RBFOX3: variants seen among roughly 807,000 people sequenced by gnomAD.
RBFOX3 encodes the protein RNA binding protein fox-1 homolog 3.
In RBFOX3, 17 loss-of-function variants were observed where a neutral mutation model predicts 48.7. The ratio of observed to expected loss-of-function variants is 0.35; its 90% CI spans 0.24 to 0.52. The LOEUF (loss-of-function observed/expected upper bound fraction) is 0.52, where lower values mean the gene tolerates loss of function less well. Ranked by LOEUF, RBFOX3 falls within the 20% of genes least tolerant of loss-of-function variation. The pLI, the probability that RBFOX3 is intolerant of heterozygous loss-of-function variation, is 0.94. For missense variants in RBFOX3, 382 were observed against 497.5 expected, an observed-to-expected ratio of 0.77 and a Z score of 2.21; for synonymous variants, 212 against 209.5, an observed-to-expected ratio of 1.01 and a Z score of -0.10.
At chr17:79,395,769 C>T (rs938570639) in intron 2 of RBFOX3, among the ~76,000 whole-genome samples, 1 of 152,222 alleles carries the variant, frequency 6.6e-6, no homozygotes, top group Non-Finnish European at 1.5e-5. Flanking sequence ...TGAGCCGTGA[C>T]GTGACCAGGA....
At chr17:79,290,778 G>C (rs1278668816) in intron 3 of RBFOX3, among the ~76,000 whole-genome samples, 1 of 152,214 alleles carries the variant, frequency 6.6e-6, no homozygotes, top group East Asian at 1.9e-4. Context: ...TCTCCTCTGG[G>C]TTTGCTGACT....
chr17:79,256,333 T>C (rs2064842096), intron 3 of RBFOX3, among the ~76,000 whole-genome samples: 1 of 151,630 alleles, frequency 6.6e-6, no homozygotes, highest in Admixed American at 6.6e-5. Flanking sequence ...AATATTAAAA[T>C]TAAAAAAAAA....
intron 2 of RBFOX3, among the ~76,000 whole-genome samples, chr17:79,456,429 C>T (rs2074503446): frequency 6.6e-6 from 1 of 151,940 alleles, no homozygotes. Flanking sequence ...AGGGGCAGCC[C>T]CCTCCCCAGC....
chr17:79,323,737 C>T (rs760051920), intron 2 of RBFOX3, among the ~76,000 whole-genome samples: 3 of 152,204 alleles, frequency 2.0e-5, no homozygotes, highest in Non-Finnish European at 2.9e-5. Context: ...GGCTGCGTGC[C>T]GAGAGCTGGC....
chr17:79,587,994 C>T (rs1387921685), intron 1 of RBFOX3, among the ~76,000 whole-genome samples: 1 of 152,160 alleles, frequency 6.6e-6, no homozygotes, highest in Non-Finnish European at 1.5e-5. Context: ...TGCCACCATG[C>T]CTGGCTCTTT....
chr17:79,388,124 T>C (rs1406441797), intron 2 of RBFOX3, among the ~76,000 whole-genome samples: 1 of 151,940 alleles, frequency 6.6e-6, no homozygotes, highest in Non-Finnish European at 1.5e-5. Context: ...GCATGTGTGG[T>C]TGTGCATACA....
intron 2 of RBFOX3, among the ~76,000 whole-genome samples, chr17:79,358,202 T>C (rs2085586701): frequency 6.6e-6 from 1 of 152,142 alleles, no homozygotes. Context: ...TGCCTTGGCC[T>C]CCCAAAGTGC....
At chr17:79,126,394 C>T (rs115166160) in intron 4 of RBFOX3, among the ~76,000 whole-genome samples, 4,295 of 152,202 alleles carry the variant, frequency 0.028, 200 homozygotes, top group African/African-American at 0.096. Flanking sequence ...CACCCCTGCC[C>T]GGCCCACAGC....
At chr17:79,200,311 C>A (rs2056548547) in intron 4 of RBFOX3, among the ~76,000 whole-genome samples, 1 of 152,248 alleles carries the variant, frequency 6.6e-6, no homozygotes, top group African/African-American at 2.4e-5. Flanking sequence ...CTCTTCACCA[C>A]AGCCACTCCC....
At chr17:79,247,399 G>T (rs1471304996) in intron 3 of RBFOX3, among the ~76,000 whole-genome samples, 1 of 143,338 alleles carries the variant, frequency 7.0e-6, no homozygotes, top group Non-Finnish European at 1.5e-5. Flanking sequence ...AGTAACCGCT[G>T]CCTCCCAGGT....
chr17:79,344,007 A>C (rs1407542224), intron 2 of RBFOX3, among the ~76,000 whole-genome samples: 1 of 152,216 alleles, frequency 6.6e-6, no homozygotes, highest in African/African-American at 2.4e-5. Context: ...TGCCAGGAAG[A>C]TGCCACTGAT....
intron 2 of RBFOX3, among the ~76,000 whole-genome samples, chr17:79,355,183 G>A (rs1456764148): frequency 6.6e-6 from 1 of 152,188 alleles, no homozygotes; most frequent in Non-Finnish European, 1.5e-5. Context: ...CACTTGTGGG[G>A]TCGGGGGTCC....
intron 4 of RBFOX3, among the ~76,000 whole-genome samples, chr17:79,125,825 A>G (rs562257793): frequency 6.6e-6 from 1 of 152,312 alleles, no homozygotes; most frequent in Admixed American, 6.5e-5. Flanking sequence ...CTCTGGGCAA[A>G]GCCCATTCCA....
chr17:79,550,803 A>T (rs1052827886), intron 1 of RBFOX3, among the ~76,000 whole-genome samples: 4 of 152,036 alleles, frequency 2.6e-5, no homozygotes, highest in African/African-American at 9.7e-5. Flanking sequence ...ATGGTCAGTG[A>T]GTGGGTTGAT....
rs577050454 is a variant in RBFOX3, at chr17:79,335,848, C to T, written c.-174-28024G>A. On this transcript the variant is annotated intron_variant, in intron 2 of 14. Coordinates refer to ENST00000693108, the MANE Select transcript of RBFOX3 (RefSeq NM_001350451.2). ...CAATCTCACCTGCCCCTGCACTCCA[C>T]GTAGCCTGCAGCCATCTTAGCTTTT... Among the ~76,000 whole-genome samples, 14 of 152,370 alleles carry T rather than the reference C, an allele frequency of 9.2e-5. No individual in the cohort carries two copies. In the South Asian group the frequency reaches 1.7e-3, roughly 18 times the overall value.
chr17:79,512,790 G>A (rs1442671007), intron 1 of RBFOX3, among the ~76,000 whole-genome samples: 4 of 144,132 alleles, frequency 2.8e-5, no homozygotes, highest in South Asian at 2.2e-4. Context: ...TGTTACCATC[G>A]GGTACGGCCC....
chr17:79,203,676 T>C lies in RBFOX3; in HGVS notation c.-34+32090A>G, dbSNP rs569071910. Among the ~76,000 whole-genome samples, 343 of 151,678 alleles carry C rather than the reference T, an allele frequency of 2.3e-3. 2 individuals carry two copies. Among genetic ancestry groups the C allele is most frequent in the African/African-American group, 7.9e-3 (327 of 41,276 alleles). On this transcript the variant is annotated intron_variant, in intron 4 of 14. Coordinates refer to ENST00000693108, the MANE Select transcript of RBFOX3 (RefSeq NM_001350451.2). ...GGGGTGGTTGGATTTATTAATGGAC[T>C]TAGAAGCTTTGAAAAAGGAAAACAA...
At chr17:79,325,565 G>A (rs2079175504) in intron 2 of RBFOX3, among the ~76,000 whole-genome samples, 1 of 152,080 alleles carries the variant, frequency 6.6e-6, no homozygotes, top group Non-Finnish European at 1.5e-5. Context: ...GGAGGCCAAG[G>A]GAGAATGTCT....
the RBFOX3 span, among the ~76,000 whole-genome samples, chr17:79,624,391 C>G: frequency 6.6e-6 from 1 of 152,030 alleles, no homozygotes; most frequent in African/African-American, 2.4e-5. Flanking sequence ...AGGGAGGCAG[C>G]CCTCACCCTA....
Sources: gnomAD v4.1 joint callset for allele counts (sites outside exome capture counted in the v4.1 genomes callset) on GRCh38, gnomAD v4.1.1 for gene constraint, MANE v1.5 for transcripts, NCBI Gene and HGNC (gene_info 2026-07-23, HGNC 2026-07-21) for gene names.